Variants in UGT3A1 observed in about 807,000 individuals in gnomAD.
UGT3A1 encodes the protein UDP-glycosyltransferase 3A1.
A neutral mutation model predicts 37.6 loss-of-function variants in UGT3A1; 40 were observed. The ratio of observed to expected loss-of-function variants is 1.06; its 90% confidence interval spans 0.83 to 1.38. The LOEUF (loss-of-function observed/expected upper bound fraction) is 1.38. Among genes scored for constraint, UGT3A1 ranks in the 40% most tolerant of loss-of-function variants. The pLI, the probability that UGT3A1 is intolerant of heterozygous loss-of-function variation, is 0.00. For synonymous variants in UGT3A1, 256 were observed against 232.3 expected, an observed-to-expected ratio of 1.10 and a Z score of -0.93; for missense variants, 642 against 634.2, an observed-to-expected ratio of 1.01 and a Z score of -0.13.
At chr5:35,965,229 A>ACC (rs1739749899) in intron 4 of UGT3A1, among the ~76,000 whole-genome samples, 157 bp downstream of exon 4, 1 of 152,152 alleles carries the variant, frequency 6.6e-6, no homozygotes, top group South Asian at 2.1e-4. Context: ...TACTTGCCAA[A>ACC]CCCTGAAAGT....
chr5:35,978,409 G>A (rs1291994320), intron 2 of UGT3A1, among the ~76,000 whole-genome samples: 1 of 152,094 alleles, frequency 6.6e-6, no homozygotes, highest in Non-Finnish European at 1.5e-5. Flanking sequence ...TAGATCTAAT[G>A]GACTCACAGT....
chr5:35,964,298 T>C (rs1739708634), intron 4 of UGT3A1, among the ~76,000 whole-genome samples: 1 of 152,130 alleles, frequency 6.6e-6, no homozygotes, highest in South Asian at 2.1e-4. Context: ...CCCCATGGTT[T>C]TATTCATGCA....
Position 35,991,199 on chromosome 5 carries a change from A to G in UGT3A1, c.42T>C (p.Leu14=), listed in dbSNP as rs1039855344. ...QRVLLLVAFL[L]SGVLLSEAAK... The stretch of plus-strand genomic sequence containing the variant: ...CAGCCTCTGAGAGCAGGACCCCAGA[A>G]AGAAGGAAGGCCACTAGAAGCAGCA... The change falls in exon 1 of 7, where the codon CTT becomes CTC. Residue 14 remains leucine, a synonymous_variant. Coordinates refer to ENST00000274278, the MANE Select transcript of UGT3A1 (RefSeq NM_152404.4). 6.2e-7 allele frequency: 1 copy of G among 1,614,098 alleles called. No individual in the cohort carries two copies. Among genetic ancestry groups the G allele is most frequent in the African/African-American group, 1.3e-5 (1 of 74,950 alleles).
In UGT3A1 at chr5:35,957,251, T is replaced by C. The variant is rs776987720; in HGVS notation, c.1012A>G (p.Arg338Gly). Residue 338 changes from arginine (R) to glycine (G), a missense_variant, in exon 5 of 7, where the codon AGA becomes GGA. Transcript: ENST00000274278. ...IWTCQSSHWP[R>G]DVHLATNVKI... ...ACATTTGTGGCCAAATGAACATCTC[T>C]GGGCCAATGAGAACTCTGACATGTC... 1.9e-6 allele frequency: 3 copies of C among 1,614,064 alleles called. 1 individual carries two copies. In the South Asian group the frequency reaches 3.3e-5, roughly 18 times the overall value.
rs369138116 is a variant in UGT3A1, at chr5:35,954,231, G to A, written c.1543C>T (p.Arg515Cys). 5.3e-5 allele frequency: 85 copies of A among 1,614,074 alleles called. 1 individual carries two copies. The highest frequency in any genetic ancestry group is 2.5e-4 in the South Asian group (23 of 91,076). ...GTCTTCTTCACCTTCCTGGCCCCAC[G>A]CAGCCACCTGGCCACCACACCCAGC... is the stretch of plus-strand genomic sequence containing the variant. The part of the protein sequence containing the change: ...KLLGVVARWL[R>C]GARKVKKT Residue 515 changes from arginine to cysteine, a missense_variant, in exon 7 of 7, where the codon CGT (arginine) becomes TGT (cysteine). Physicochemically the swap from Arg to Cys is radical, Grantham distance 180. Coordinates refer to ENST00000274278, the MANE Select transcript of UGT3A1 (RefSeq NM_152404.4).
chr5:35,993,911 AAAC>A (rs369126980), upstream of UGT3A1, among the ~76,000 whole-genome samples: 82,447 of 126,962 alleles, frequency 0.65, 22,798 homozygotes, highest in South Asian at 0.74. Context: ...GTTATTAAAC[AAAC>A]AAACAAACAA....
At chr5:35,955,548 A>C in intron 6 of UGT3A1, 97 bp downstream of exon 6, 1 of 1,361,284 alleles carries the variant, frequency 7.3e-7, no homozygotes, top group Non-Finnish European at 1.0e-6. Context: ...ATGTCACAGA[A>C]GTTTCAGCTA....
rs541069692 is a variant in UGT3A1 at position 35,968,101 on chromosome 5, T to A, written c.229A>T (p.Ile77Phe). 1 of 1,612,778 alleles carries A rather than the reference T, an allele frequency of 6.2e-7. No homozygotes were observed. Among genetic ancestry groups the A allele is most frequent in the South Asian group, 1.1e-5 (1 of 90,966 alleles). Residue 77 changes from isoleucine (I) to phenylalanine (F), a missense_variant, in exon 3 of 7, where the codon ATC becomes TTC. Transcript: ENST00000274278. ...TGATCTTCAGGTGAAAACCACCTGA[T>A]AACTTGGTATGATTTTTCCTCCTCT... ...IKEEEKSYQV[I>F]RWFSPEDHQK...
chr5:35,990,862 TG>T, intron 1 of UGT3A1: 2 of 1,184,022 alleles, frequency 1.7e-6, no homozygotes, highest in African/African-American at 1.6e-5. Context: ...GCTCTGGTCC[TG>T]GTCTCAAATT....
intron 2 of UGT3A1, among the ~76,000 whole-genome samples, chr5:35,981,357 G>A (rs1740515323): frequency 6.6e-6 from 1 of 152,166 alleles, no homozygotes; most frequent in South Asian, 2.1e-4. Flanking sequence ...CTTGTTGAAT[G>A]ATTTTGACCA....
At chr5:35,982,766 G>A (rs76794675) in intron 2 of UGT3A1, among the ~76,000 whole-genome samples, 6,082 of 152,222 alleles carry the variant, frequency 0.04, 398 homozygotes, top group African/African-American at 0.14. Flanking sequence ...GGCCAGGGGC[G>A]GAATGACATG....
At chr5:35,972,087 T>C (rs1740065703) in intron 2 of UGT3A1, among the ~76,000 whole-genome samples, 1 of 151,642 alleles carries the variant, frequency 6.6e-6, no homozygotes, top group Non-Finnish European at 1.5e-5. Flanking sequence ...GTTCAAAGAT[T>C]TTTTTCCCAG....
chr5:35,962,972 G>C, intron 4 of UGT3A1: 3 of 702,372 alleles, frequency 4.3e-6, no homozygotes, highest in Non-Finnish European at 7.8e-6. Flanking sequence ...GGGAAATAGA[G>C]GTGTCCCTCA....
intron 1 of UGT3A1, among the ~76,000 whole-genome samples, chr5:35,990,563 C>A (rs1342683012): frequency 5.9e-5 from 9 of 152,136 alleles, no homozygotes; most frequent in Non-Finnish European, 1.2e-4. Context: ...ATCCGAATGA[C>A]CTGGGTTCTC....
upstream of UGT3A1, among the ~76,000 whole-genome samples, chr5:35,994,024 T>G (rs1398987828): frequency 6.6e-6 from 1 of 152,150 alleles, no homozygotes; most frequent in Non-Finnish European, 1.5e-5. Context: ...GTCTGAGGTT[T>G]ATTTGCTGTT....
chr5:35,969,396 G>C (rs192356002), intron 2 of UGT3A1, among the ~76,000 whole-genome samples: 1 of 152,266 alleles, frequency 6.6e-6, no homozygotes, highest in African/African-American at 2.4e-5. Context: ...TTACCAGAAA[G>C]AAGGTCTCTA....
At chr5:35,985,640 T>A (rs1332781602) in intron 2 of UGT3A1, among the ~76,000 whole-genome samples, 1 of 152,190 alleles carries the variant, frequency 6.6e-6, no homozygotes, top group Non-Finnish European at 1.5e-5. Flanking sequence ...CTGGAGAATC[T>A]GTAAAACTGG....
intron 2 of UGT3A1, among the ~76,000 whole-genome samples, chr5:35,970,357 A>G (rs1580935293): frequency 6.7e-6 from 1 of 149,908 alleles, no homozygotes; most frequent in Non-Finnish European, 1.5e-5. Flanking sequence ...GCGCCACTGC[A>G]CTCCTGCCTA....
chr5:35,966,618 T>G (rs541788503), intron 3 of UGT3A1, among the ~76,000 whole-genome samples: 7 of 152,362 alleles, frequency 4.6e-5, no homozygotes, highest in African/African-American at 1.7e-4. Context: ...CAGAAGCTAC[T>G]GCCCTTCAAT....
Sources: gnomAD v4.1 joint callset for allele counts (sites outside exome capture counted in the v4.1 genomes callset) on GRCh38, gnomAD v4.1.1 for gene constraint, MANE v1.5 for transcripts, NCBI Gene and HGNC (gene_info 2026-07-23, HGNC 2026-07-21) for gene names.